The following CDH18 variants were observed in gnomAD, a reference collection of about 807,000 sequenced individuals.
CDH18 encodes cadherin-18.
Under a neutral mutation model 67.9 loss-of-function variants are expected in CDH18, and 31 were observed. The observed-to-expected ratio is 0.46, with a 90% confidence interval of 0.34 to 0.62. The LOEUF (loss-of-function observed/expected upper bound fraction) is 0.62, where lower values mean the gene tolerates loss of function less well. Ranked by LOEUF, CDH18 falls within the 20% of genes least tolerant of loss-of-function variation. The pLI is 0.01. For synonymous variants in CDH18, 362 were observed against 347.2 expected (o/e 1.04, Z -0.48); for missense variants, 890 against 975.5 (o/e 0.91, Z 1.17).
intron 1 of CDH18, among the ~76,000 whole-genome samples, chr5:20,436,670 A>G (rs546204094): frequency 1.3e-5 from 2 of 151,440 alleles, no homozygotes; most frequent in Non-Finnish European, 3.0e-5. Flanking sequence ...ACCCATATGC[A>G]TACACATATA....
At chr5:20,069,070 T>C (rs1743218914) in intron 2 of CDH18, among the ~76,000 whole-genome samples, 1 of 152,120 alleles carries the variant, frequency 6.6e-6, no homozygotes, top group Admixed American at 6.5e-5. Context: ...CCCTTCTTTT[T>C]CCAGTCACAT....
intron 2 of CDH18, among the ~76,000 whole-genome samples, chr5:19,856,127 C>T (rs1156246830): frequency 6.6e-6 from 1 of 152,184 alleles, no homozygotes; most frequent in Non-Finnish European, 1.5e-5. Context: ...CTTGAGTCAG[C>T]GTGCATGCTT....
chr5:19,619,208 C>T (rs996185510), intron 5 of CDH18, among the ~76,000 whole-genome samples: 2 of 152,134 alleles, frequency 1.3e-5, no homozygotes, highest in African/African-American at 4.8e-5. Flanking sequence ...ATTGGCAATT[C>T]GAAGTGTGCT....
chr5:19,983,411 C>T (rs771392398), intron 1 of CDH18, among the ~76,000 whole-genome samples: 33 of 152,108 alleles, frequency 2.2e-4, no homozygotes, highest in Admixed American at 2.6e-4. Context: ...TCAGTGGAGG[C>T]GTCTGCACAT....
intron 3 of CDH18, among the ~76,000 whole-genome samples, chr5:19,810,858 A>G (rs1561349527): frequency 6.6e-6 from 1 of 151,872 alleles, no homozygotes; most frequent in Admixed American, 6.6e-5. Flanking sequence ...CCTCGTCTCC[A>G]CTAAAAACAC....
intron 1 of CDH18, among the ~76,000 whole-genome samples, chr5:20,433,023 T>A (rs1250130779): frequency 1.3e-5 from 2 of 149,568 alleles, no homozygotes; most frequent in Non-Finnish European, 3.0e-5. Context: ...TATATATATA[T>A]AAAATACATA....
intron 2 of CDH18, among the ~76,000 whole-genome samples, chr5:19,851,612 GT>G (rs906543679): frequency 6.6e-6 from 1 of 151,554 alleles, no homozygotes; most frequent in Non-Finnish European, 1.5e-5. Flanking sequence ...CTATCTAACA[GT>G]TTTTTGCCAC....
Position 19,843,352 on chromosome 5 carries a change from C to G in CDH18, c.-256-4110G>C, listed in dbSNP as rs551135157. On this transcript the variant is annotated intron_variant, in intron 2 of 12. Coordinates refer to ENST00000382275, the MANE Select transcript of CDH18 (RefSeq NM_004934.5). ...CTTGTTGCTTCAGAGGGTGCAAGCA[C>G]CGAGCCTTCCACCAAGTGCTTGGAA... 2.0e-5 allele frequency among the ~76,000 whole-genome samples: 3 copies of G among 152,306 alleles called. No homozygotes were observed. The East Asian group carries it at 5.8e-4, about 30-fold the overall frequency.
chr5:19,751,386 T>G, intron 3 of CDH18, among the ~76,000 whole-genome samples: 1 of 152,354 alleles, frequency 6.6e-6, no homozygotes, highest in East Asian at 1.9e-4. Context: ...ATAATTTATA[T>G]ACTTGTTTAT....
At position 19,673,719 on chromosome 5, in the gene CDH18, A is replaced by C. The variant is rs1214132059; in HGVS notation, c.643+47628T>G. On this transcript the variant is annotated intron_variant, in intron 5 of 12. Coordinates refer to ENST00000382275, the MANE Select transcript of CDH18 (RefSeq NM_004934.5). The stretch of plus-strand genomic sequence containing the variant: ...CATATTTTTGTAATTGGAATGTTTA[A>C]AATGGATTGATAATGCACCCTGCAA... 2.0e-5 allele frequency among the ~76,000 whole-genome samples: 3 copies of C among 152,150 alleles called. No homozygotes were observed. In the East Asian group the frequency reaches 5.8e-4, roughly 29 times the overall value.
chr5:19,763,620 C>T (rs920880425), intron 3 of CDH18, among the ~76,000 whole-genome samples: 1 of 152,108 alleles, frequency 6.6e-6, no homozygotes, highest in African/African-American at 2.4e-5. Context: ...TCACAAGAGG[C>T]ATTTTATTGG....
intron 1 of CDH18, among the ~76,000 whole-genome samples, chr5:20,327,069 T>C (rs1738668869): frequency 6.6e-6 from 1 of 152,172 alleles, no homozygotes; most frequent in South Asian, 2.1e-4. Context: ...TAATTACTTT[T>C]TAAATTAAAA....
intron 3 of CDH18, among the ~76,000 whole-genome samples, chr5:19,836,015 T>C (rs1371735035): frequency 6.6e-6 from 1 of 152,174 alleles, no homozygotes; most frequent in African/African-American, 2.4e-5. Context: ...GATCTTCCTA[T>C]TGAGGCTTCA....
intron 2 of CDH18, among the ~76,000 whole-genome samples, chr5:19,923,239 C>A (rs978575371): frequency 2.0e-5 from 3 of 152,108 alleles, no homozygotes; most frequent in Non-Finnish European, 2.9e-5. Flanking sequence ...ATGATGAAGC[C>A]TCCAGATGAT....
chr5:19,922,723 T>C (rs747031352), intron 2 of CDH18, among the ~76,000 whole-genome samples: 1 of 152,166 alleles, frequency 6.6e-6, no homozygotes, highest in African/African-American at 2.4e-5. Context: ...GTGTTTAATT[T>C]TACTAACCTT....
At chr5:20,172,214 A>ATATATATATATACGTATATATATATACG (rs1736832749) in intron 2 of CDH18, among the ~76,000 whole-genome samples, 1 of 32,848 alleles carries the variant, frequency 3.0e-5, no homozygotes, top group East Asian at 8.7e-4. Flanking sequence ...ATATATATAT[A>ATATATATATATACGTATATATATATACG]TATATATATG....
intron 3 of CDH18, among the ~76,000 whole-genome samples, chr5:19,815,382 G>C (rs1426803828): frequency 2.0e-5 from 3 of 151,860 alleles, no homozygotes; most frequent in Non-Finnish European, 2.9e-5. Context: ...GACAATATTG[G>C]ATGACAATTG....
At chr5:19,552,534 TATA>T (rs1237059461) in intron 8 of CDH18, among the ~76,000 whole-genome samples, 1 of 152,152 alleles carries the variant, frequency 6.6e-6, no homozygotes, top group East Asian at 1.9e-4. Flanking sequence ...CGGCTACTCT[TATA>T]ATTGTGACAT....
At position 20,266,316 on chromosome 5, in the gene CDH18, C is replaced by T. The variant is rs186041834; in HGVS notation, c.-579-10811G>A. Among the ~76,000 whole-genome samples the T allele has an allele frequency of 2.0e-4, 30 of 152,256 alleles. No homozygotes were observed. The East Asian group carries it at 2.7e-3, about 14-fold the overall frequency. ...TAACCTGAAAGCTTTGCAGTCTAAACATTTCCTTTTGGCAGCAATTTGAAT... is the reference window on the plus strand; with the variant it reads ...TAACCTGAAAGCTTTGCAGTCTAAATATTTCCTTTTGGCAGCAATTTGAAT... On this transcript the variant is annotated intron_variant, in intron 1 of 14. Coordinates refer to the CDH18 transcript ENST00000507958.
Sources: allele counts gnomAD v4.1 joint callset (sites outside exome capture counted in the v4.1 genomes callset), GRCh38; gene constraint gnomAD v4.1.1; transcripts MANE v1.5; gene names NCBI Gene and HGNC (gene_info 2026-07-23, HGNC 2026-07-21).